Variants in RIC1 observed in about 807,000 individuals in gnomAD.
RIC1 encodes RIC1 partner of RAB6A GEF complex.
A neutral mutation model predicts 169.0 loss-of-function variants in RIC1; 88 were observed. That is an observed-to-expected ratio of 0.52 (90% CI 0.44 to 0.62). RIC1 has a LOEUF of 0.62. Among genes scored for constraint, RIC1 ranks in the 20% least tolerant of loss-of-function variants. RIC1 has a pLI of 0.00. For missense variants in RIC1, 1,877 were observed against 1,725.5 expected (o/e 1.09, Z -1.56); for synonymous variants, 790 against 601.5 (o/e 1.31, Z -4.59).
intron 3 of RIC1, among the ~76,000 whole-genome samples, chr9:5,694,229 C>G (rs1294775367): frequency 6.6e-6 from 1 of 152,192 alleles, no homozygotes; most frequent in African/African-American, 2.4e-5. Flanking sequence ...ACAGAAGCAT[C>G]TAAATCGTAT....
intron 4 of RIC1, chr9:5,719,198 G>C (rs1823443318): frequency 6.6e-6 from 1 of 151,870 alleles, no homozygotes; most frequent in Non-Finnish European, 1.5e-5. Flanking sequence ...TTTTCTTTGT[G>C]CCAGTACCTT....
chr9:5,641,237 G>A (rs554590275), intron 1 of RIC1, among the ~76,000 whole-genome samples: 10 of 151,700 alleles, frequency 6.6e-5, no homozygotes, highest in East Asian at 5.8e-4. Context: ...GACTACAGGC[G>A]CCCACCACCA....
intron 2 of RIC1, among the ~76,000 whole-genome samples, chr9:5,683,533 G>C (rs968202079): frequency 9.2e-5 from 14 of 152,170 alleles, no homozygotes; most frequent in African/African-American, 2.9e-4. Context: ...GTACCCGGCC[G>C]TGTGAAGTGT....
intron 17 of RIC1, among the ~76,000 whole-genome samples, chr9:5,760,641 C>CT (rs1196397174): frequency 6.6e-6 from 1 of 152,146 alleles, no homozygotes; most frequent in Non-Finnish European, 1.5e-5. Context: ...ATCCAGGTGT[C>CT]TGACTCTTCT....
intron 2 of RIC1, among the ~76,000 whole-genome samples, chr9:5,682,241 T>G (rs1341903623): frequency 6.6e-6 from 1 of 152,234 alleles, no homozygotes; most frequent in African/African-American, 2.4e-5. Context: ...TTGATGCAGT[T>G]TCTTCCTAGC....
chr9:5,635,463 T>C (rs187635450), intron 1 of RIC1, among the ~76,000 whole-genome samples: 2 of 152,372 alleles, frequency 1.3e-5, no homozygotes, highest in East Asian at 1.9e-4. Flanking sequence ...TTCTCCATTC[T>C]TAGCACTTTG....
intron 1 of RIC1, among the ~76,000 whole-genome samples, chr9:5,632,739 T>C (rs550724878): frequency 1.1e-4 from 16 of 152,310 alleles, no homozygotes; most frequent in Non-Finnish European, 2.4e-4. Flanking sequence ...GGTTATGATT[T>C]ATGATTGACG....
At chr9:5,689,234 G>C (rs531674096) in intron 2 of RIC1, among the ~76,000 whole-genome samples, 1 of 151,560 alleles carries the variant, frequency 6.6e-6, no homozygotes, top group African/African-American at 2.4e-5. Context: ...TATTTTTTTA[G>C]TAGAGACAGG....
intron 1 of RIC1, among the ~76,000 whole-genome samples, chr9:5,630,670 A>G (rs1460754720): frequency 6.6e-6 from 1 of 152,234 alleles, no homozygotes; most frequent in Admixed American, 6.5e-5. Flanking sequence ...GCAAATCAGA[A>G]CAAAACAAAC....
chr9:5,689,006 G>GTCATGA (rs1821427640), intron 2 of RIC1, among the ~76,000 whole-genome samples: 1 of 145,930 alleles, frequency 6.9e-6, no homozygotes, highest in South Asian at 2.2e-4. Flanking sequence ...GCAGATGTAT[G>GTCATGA]TCATGATCAT....
At chr9:5,771,640 G>A (rs1239592758) in intron 23 of RIC1, among the ~76,000 whole-genome samples, 1 of 152,032 alleles carries the variant, frequency 6.6e-6, no homozygotes, top group East Asian at 1.9e-4. Context: ...TATCAGCAGT[G>A]GACAAGGGTT....
chr9:5,631,851 A>G (rs1343750432), intron 1 of RIC1, among the ~76,000 whole-genome samples: 1 of 152,132 alleles, frequency 6.6e-6, no homozygotes, highest in East Asian at 1.9e-4. Flanking sequence ...TTGATTTTCT[A>G]ATTTGTAAAC....
At chr9:5,648,138 A>G (rs1474450725) in intron 1 of RIC1, among the ~76,000 whole-genome samples, 1 of 151,988 alleles carries the variant, frequency 6.6e-6, no homozygotes, top group Non-Finnish European at 1.5e-5. Context: ...GCCCGCCACC[A>G]TACCCGACTA....
At chr9:5,722,806 T>C (rs1437814913) in intron 6 of RIC1, among the ~76,000 whole-genome samples, 2 of 151,468 alleles carry the variant, frequency 1.3e-5, no homozygotes, top group Non-Finnish European at 2.9e-5. Flanking sequence ...GAACATACGG[T>C]GTTTGGTTTT....
intron 2 of RIC1, among the ~76,000 whole-genome samples, chr9:5,673,535 GATATATATATATATATATATAT>G (rs59648906): frequency 1.7e-5 from 2 of 119,304 alleles, no homozygotes; most frequent in Admixed American, 1.7e-4. Flanking sequence ...AACATAAGGA[GATATATATATATATATATATAT>G]AAATAAATGT....
chr9:5,763,648 C>A lies in RIC1; in HGVS notation c.2621C>A (p.Thr874Asn), dbSNP rs1826481779. The A allele has an allele frequency of 6.2e-7, 1 of 1,614,070 alleles. No homozygotes were observed. The highest frequency in any genetic ancestry group is 1.7e-5 in the Admixed American group (1 of 60,006). ...MLHEVLEEEATSREPIPDPLL... is the reference protein window; with the variant it reads ...MLHEVLEEEANSREPIPDPLL... ...CATGAAGTACTGGAAGAAGAAGCTA[C>A]CTCACGGGAGCCCATTCCCGACCCT... is the stretch of plus-strand genomic sequence containing the variant. The change falls in exon 19 of 26, where the codon ACC (threonine) becomes AAC (asparagine). Residue 874 changes from threonine to asparagine, a missense_variant. By Grantham distance (65) the Thr-to-Asn change is moderately conservative. Around this residue, in one of 3 missense-constraint regions of RIC1, gnomAD observed 92 missense variants for 151.5 expected, o/e 0.61. Coordinates refer to ENST00000414202, the MANE Select transcript of RIC1 (RefSeq NM_020829.4). This position sits in a 1 kb window ranked among gnomAD's most constrained non-coding sequence, Gnocchi z 5.2.
intron 3 of RIC1, among the ~76,000 whole-genome samples, chr9:5,699,449 A>T (rs1239739259): frequency 6.6e-6 from 1 of 151,266 alleles, no homozygotes; most frequent in Non-Finnish European, 1.5e-5. Context: ...AAATGTTTTT[A>T]TTCATCTTTC....
At chr9:5,674,296 T>C (rs1198707614) in intron 2 of RIC1, among the ~76,000 whole-genome samples, 1 of 152,206 alleles carries the variant, frequency 6.6e-6, no homozygotes, top group East Asian at 1.9e-4. Flanking sequence ...TTTATGATCC[T>C]GTATGAATTT....
chr9:5,773,954 ATAGTCC>A lies in RIC1; in HGVS notation c.3984-2_3987del. On this transcript the variant is annotated splice_acceptor_variant and splice_polypyrimidine_tract_variant and coding_sequence_variant and intron_variant, in exon 26 of 26. Coordinates refer to ENST00000414202, the MANE Select transcript of RIC1 (RefSeq NM_020829.4). LOFTEE classifies it high-confidence loss of function. ...ATGAGCTAATGTTTTTTTTCTCTACATAGTCCTGGATATAAGCCATTTTTAAACATC... is the reference window on the plus strand; with the variant it reads ...ATGAGCTAATGTTTTTTTTCTCTACATGGATATAAGCCATTTTTAAACATC... The A allele has an allele frequency of 6.3e-7, 1 of 1,579,932 alleles. No individual in the cohort carries two copies.
Sources: allele counts gnomAD v4.1 joint callset (sites outside exome capture counted in the v4.1 genomes callset), GRCh38; gene constraint gnomAD v4.1.1; regional missense constraint gnomAD v4.1.1; non-coding constraint Gnocchi (gnomAD v3.1); transcripts MANE v1.5; gene names NCBI Gene and HGNC (gene_info 2026-07-23, HGNC 2026-07-21).